ERC1: variants seen among roughly 807,000 people sequenced by gnomAD.
ERC1 encodes the protein ELKS/RAB6-interacting/CAST family member 1.
In ERC1, 56 loss-of-function variants were observed where a neutral mutation model predicts 132.0. That is an observed-to-expected ratio of 0.42 (90% CI 0.34 to 0.53). The LOEUF (loss-of-function observed/expected upper bound fraction) is 0.53, where lower values mean the gene tolerates loss of function less well. ERC1 is among the 20% of genes least tolerant of loss of function. ERC1 has a pLI of 0.03. For synonymous variants in ERC1, 478 were observed against 476.1 expected, an observed-to-expected ratio of 1.00 and a Z score of -0.05; for missense variants, 1,202 against 1,349.9, an observed-to-expected ratio of 0.89 and a Z score of 1.72.
chr12:1,406,961 C>T (rs926316769), intron 16 of ERC1, among the ~76,000 whole-genome samples: 5 of 152,172 alleles, frequency 3.3e-5, no homozygotes, highest in Non-Finnish European at 5.9e-5. Context: ...TGCTTTAAAA[C>T]TTCAAGTTTT....
chr12:1,398,930 CTT>C (rs1162145460), intron 16 of ERC1, among the ~76,000 whole-genome samples: 10 of 93,892 alleles, frequency 1.1e-4, no homozygotes, highest in Non-Finnish European at 2.1e-5. Context: ...TTTTCTCCTA[CTT>C]TTTTTTTTTT....
chr12:1,445,765 G>C (rs1041915215), intron 18 of ERC1, among the ~76,000 whole-genome samples: 6 of 152,212 alleles, frequency 3.9e-5, no homozygotes, highest in Non-Finnish European at 8.8e-5. Flanking sequence ...AGAAGGCTAA[G>C]GACGATCTGT....
intron 2 of ERC1, among the ~76,000 whole-genome samples, chr12:1,029,687 A>G (rs926212270): frequency 2.8e-4 from 42 of 150,986 alleles, no homozygotes; most frequent in African/African-American, 8.5e-4. Flanking sequence ...GAAGCTGATG[A>G]CTCCAAAGAT....
intron 12 of ERC1, among the ~76,000 whole-genome samples, chr12:1,209,529 C>T (rs750723341): frequency 6.6e-6 from 1 of 151,904 alleles, no homozygotes; most frequent in Non-Finnish European, 1.5e-5. Flanking sequence ...TATTTATCAA[C>T]ATTTTCTGCC....
intron 18 of ERC1, among the ~76,000 whole-genome samples, chr12:1,489,789 C>T (rs2094298464): frequency 6.6e-6 from 1 of 152,166 alleles, no homozygotes; most frequent in Non-Finnish European, 1.5e-5. Flanking sequence ...CTCCTGCTCT[C>T]ATGCACGTTC....
At chr12:1,076,824 A>G (rs554651499) in intron 2 of ERC1, among the ~76,000 whole-genome samples, 1 of 152,290 alleles carries the variant, frequency 6.6e-6, no homozygotes, top group African/African-American at 2.4e-5. Flanking sequence ...AGTTTTTCAT[A>G]AAAAATTTAT....
intron 18 of ERC1, among the ~76,000 whole-genome samples, chr12:1,463,267 G>A (rs2093676857): frequency 6.6e-6 from 1 of 152,092 alleles, no homozygotes; most frequent in South Asian, 2.1e-4. Flanking sequence ...CCTCACTCCG[G>A]GACCGCATCA....
At chr12:1,341,352 G>A (rs1361408767) in intron 15 of ERC1, among the ~76,000 whole-genome samples, 1 of 151,726 alleles carries the variant, frequency 6.6e-6, no homozygotes, top group Non-Finnish European at 1.5e-5. Context: ...CTACTATAAA[G>A]ACATGCACAC....
chr12:1,041,365 G>A (rs1204234174), intron 2 of ERC1, among the ~76,000 whole-genome samples: 1 of 152,112 alleles, frequency 6.6e-6, no homozygotes. Flanking sequence ...CTGCCACCAT[G>A]CCTGGCTACT....
rs367850160 is a variant in ERC1, at chr12:1,028,583, C to T, written c.669+11C>T. The stretch of plus-strand genomic sequence containing the variant: ...CAGGAGGAAAACCAGGTAAGTTCTA[C>T]GTGTGTTTACCTTTATTGGCTGAAT... On this transcript the variant is annotated intron_variant, in intron 2 of 18. Coordinates refer to ENST00000360905, the MANE Select transcript of ERC1 (RefSeq NM_178040.4). The T allele has an allele frequency of 1.1e-5, 17 of 1,590,456 alleles. No homozygotes were observed. Among genetic ancestry groups the T allele is most frequent in the South Asian group, 2.2e-5 (2 of 89,258 alleles).
chr12:1,438,954 A>AAAAAAAAAAAAT (rs1015181197), intron 17 of ERC1, among the ~76,000 whole-genome samples: 1 of 143,492 alleles, frequency 7.0e-6, no homozygotes, highest in African/African-American at 2.6e-5. Flanking sequence ...TTTAAAAAAA[A>AAAAAAAAAAAAT]ATATATATAT....
intron 12 of ERC1, among the ~76,000 whole-genome samples, chr12:1,222,215 A>G (rs1156991172): frequency 6.8e-6 from 1 of 147,558 alleles, no homozygotes; most frequent in Admixed American, 6.8e-5. Context: ...TTATGAGTGT[A>G]CATATTCTCT....
At chr12:1,015,739 C>G (rs1965413462) in intron 1 of ERC1, among the ~76,000 whole-genome samples, 1 of 152,050 alleles carries the variant, frequency 6.6e-6, no homozygotes, top group African/African-American at 2.4e-5. Flanking sequence ...TATTTATAAC[C>G]CTTTAAGAAA....
At chr12:1,000,720 G>A (rs1164567675) in intron 1 of ERC1, among the ~76,000 whole-genome samples, 10 of 152,108 alleles carry the variant, frequency 6.6e-5, no homozygotes, top group East Asian at 3.9e-4. Flanking sequence ...CCAAAATCAC[G>A]CCATTGCACC....
chr12:1,483,668 CTTTTTTTTTTTTT>C (rs35596394), intron 18 of ERC1, among the ~76,000 whole-genome samples: 4,342 of 54,754 alleles, frequency 0.079, 456 homozygotes, highest in African/African-American at 0.16. Context: ...CCACTGAGAG[CTTTTTTTTTTTTT>C]TTTTTTTTTT....
At chr12:1,356,212 AAG>A (rs1491098765) in intron 15 of ERC1, among the ~76,000 whole-genome samples, 3 of 119,060 alleles carry the variant, frequency 2.5e-5, no homozygotes, top group Admixed American at 8.4e-5. Context: ...AAAAAAAAAA[AAG>A]TGTGTGTGTG....
At chr12:1,196,497 GTT>G (rs142573969) in intron 12 of ERC1, among the ~76,000 whole-genome samples, 22 of 139,198 alleles carry the variant, frequency 1.6e-4, no homozygotes, top group African/African-American at 2.4e-4. Flanking sequence ...TCTTATGTAG[GTT>G]TTTTTTTTTT....
At chr12:1,071,347 T>G (rs545660770) in intron 2 of ERC1, among the ~76,000 whole-genome samples, 63 of 152,354 alleles carry the variant, frequency 4.1e-4, no homozygotes, top group African/African-American at 1.4e-3. Flanking sequence ...GTCTAAATTT[T>G]AGCCATTCTA....
chr12:1,007,113 G>A (rs1963777581), intron 1 of ERC1, among the ~76,000 whole-genome samples: 1 of 152,044 alleles, frequency 6.6e-6, no homozygotes, highest in African/African-American at 2.4e-5. Context: ...CAGTAAACAG[G>A]CAATTACAGT....
Sources: gnomAD v4.1 joint callset for allele counts (sites outside exome capture counted in the v4.1 genomes callset) on GRCh38, gnomAD v4.1.1 for gene constraint, MANE v1.5 for transcripts, NCBI Gene and HGNC (gene_info 2026-07-23, HGNC 2026-07-21) for gene names.